SLC36A1: variants seen among roughly 807,000 people sequenced by gnomAD.
SLC36A1 encodes solute carrier family 36 member 1, also known as proton-coupled amino acid transporter 1.
In SLC36A1, 30 loss-of-function variants were observed where a neutral mutation model predicts 47.5. That is an observed-to-expected ratio of 0.63 (90% CI 0.47 to 0.86). SLC36A1 has a LOEUF of 0.86. Among genes scored for constraint, SLC36A1 ranks in the 40% least tolerant of loss-of-function variants. The probability of loss-of-function intolerance (pLI) is 0.00; values close to 1 mark genes in which losing one functional copy is unlikely to be tolerated. For missense variants in SLC36A1, 517 were observed against 606.0 expected, an observed-to-expected ratio of 0.85 and a Z score of 1.54; for synonymous variants, 255 against 249.7, an observed-to-expected ratio of 1.02 and a Z score of -0.20.
At chr5:151,529,299 C>G in the SLC36A1 span, 6 of 1,614,132 alleles carry the variant, frequency 3.7e-6, no homozygotes, top group South Asian at 6.6e-5. Context: ...GGTCACGTCA[C>G]TGAGGGAAGA....
At chr5:151,485,918 C>A (rs1025842850) in intron 10 of SLC36A1, among the ~76,000 whole-genome samples, 8 of 152,296 alleles carry the variant, frequency 5.3e-5, no homozygotes, top group South Asian at 2.1e-4. Context: ...CATTTTAATT[C>A]ATTTCAATGT....
the SLC36A1 span, among the ~76,000 whole-genome samples, chr5:151,503,120 G>T: frequency 6.8e-6 from 1 of 147,874 alleles, no homozygotes; most frequent in Non-Finnish European, 1.5e-5. Flanking sequence ...TTTTAGGGCA[G>T]TGAAACCATC....
chr5:151,438,737 T>G (rs1759924798), intron 1 of SLC36A1, among the ~76,000 whole-genome samples: 2 of 152,186 alleles, frequency 1.3e-5, no homozygotes, highest in Admixed American at 6.5e-5. Context: ...TCACCATCTC[T>G]CATGCACTCT....
chr5:151,475,782 TAAC>T (rs1561772151), intron 8 of SLC36A1, among the ~76,000 whole-genome samples: 1 of 152,206 alleles, frequency 6.6e-6, no homozygotes, highest in Non-Finnish European at 1.5e-5. Context: ...ATAAGTGTAA[TAAC>T]AAGATCAAAG....
rs769989814 is a variant in SLC36A1 at position 151,464,609 on chromosome 5, G to A, written c.323+7G>A. 27 of 1,612,974 alleles carry A rather than the reference G, an allele frequency of 1.7e-5. No individual in the cohort carries two copies. The highest frequency in any genetic ancestry group is 2.3e-5 in the Non-Finnish European group (27 of 1,179,060). On this transcript the variant is annotated splice_region_variant and intron_variant, in intron 4 of 10. Coordinates refer to ENST00000243389, the MANE Select transcript of SLC36A1 (RefSeq NM_078483.4). ...CTCACCACTTCTGCCGCAGGTGAGA[G>A]CCCTCTGAGCCACCTCTCAAGTGAC...
chr5:151,346,335 T>C, the SLC36A1 span, among the ~76,000 whole-genome samples: 1 of 152,176 alleles, frequency 6.6e-6, no homozygotes, highest in Non-Finnish European at 1.5e-5. Context: ...CATCCCTAAA[T>C]TGTCCTGCTG....
chr5:151,519,138 G>T, the SLC36A1 span, among the ~76,000 whole-genome samples: 1 of 152,350 alleles, frequency 6.6e-6, no homozygotes, highest in Non-Finnish European at 1.5e-5. Flanking sequence ...GAGGTCAGGA[G>T]TTCGAGACCA....
chr5:151,503,473 G>T, the SLC36A1 span, among the ~76,000 whole-genome samples: 1 of 149,708 alleles, frequency 6.7e-6, no homozygotes, highest in Middle Eastern at 3.2e-3. Flanking sequence ...AATCAAACCT[G>T]TTCAACCTCA....
chr5:151,471,822 G>A (rs1581167056), intron 7 of SLC36A1, among the ~76,000 whole-genome samples: 1 of 152,164 alleles, frequency 6.6e-6, no homozygotes, highest in African/African-American at 2.4e-5. Context: ...TCTGAAGCCT[G>A]TTAAGAGCAT....
chr5:151,473,206 AT>A (rs1561768192), intron 7 of SLC36A1, among the ~76,000 whole-genome samples: 8 of 151,706 alleles, frequency 5.3e-5, no homozygotes, highest in South Asian at 4.2e-4. Context: ...AGATAGATAG[AT>A]AGATAGATAG....
At chr5:151,520,112 G>T in the SLC36A1 span, among the ~76,000 whole-genome samples, 2 of 152,226 alleles carry the variant, frequency 1.3e-5, no homozygotes, top group African/African-American at 4.8e-5. Flanking sequence ...AGCCTAAATC[G>T]AGTGGTCCCT....
chr5:151,453,411 T>G (rs1451511220), intron 1 of SLC36A1, among the ~76,000 whole-genome samples: 1 of 152,014 alleles, frequency 6.6e-6, no homozygotes, highest in Non-Finnish European at 1.5e-5. Context: ...ACCAGTTCAT[T>G]GAAATCTAGT....
chr5:151,486,180 G>A (rs1046518983), intron 10 of SLC36A1, among the ~76,000 whole-genome samples: 1 of 152,216 alleles, frequency 6.6e-6, no homozygotes. Flanking sequence ...GAAGGCAAAG[G>A]GGGAGCAGGC....
chr5:151,482,373 C>G (rs1230414638), intron 10 of SLC36A1, among the ~76,000 whole-genome samples: 2 of 152,076 alleles, frequency 1.3e-5, no homozygotes, highest in Admixed American at 6.5e-5. Flanking sequence ...CTCTCAACTC[C>G]AAAATTCTGT....
the SLC36A1 span, among the ~76,000 whole-genome samples, chr5:151,417,703 A>T: frequency 8.4e-3 from 905 of 107,730 alleles, 14 homozygotes; most frequent in African/African-American, 0.026. Context: ...AGGGAAGCAG[A>T]GCATAAAAGT....
chr5:151,486,407 G>A (rs1190041953), intron 10 of SLC36A1, among the ~76,000 whole-genome samples: 1 of 152,198 alleles, frequency 6.6e-6, no homozygotes, highest in African/African-American at 2.4e-5. Context: ...GTTTCCACAT[G>A]TCTCTCATCT....
chr5:151,442,169 T>A (rs1322595924), intron 1 of SLC36A1, among the ~76,000 whole-genome samples: 1 of 152,204 alleles, frequency 6.6e-6, no homozygotes, highest in Non-Finnish European at 1.5e-5. Context: ...TTCAAATAAA[T>A]GTTTTTGTGT....
chr5:151,364,235 A>G, the SLC36A1 span, among the ~76,000 whole-genome samples: 3 of 152,120 alleles, frequency 2.0e-5, no homozygotes, highest in Admixed American at 1.3e-4. Flanking sequence ...TAATTTTTTA[A>G]TGTTTCTAGG....
the SLC36A1 span, among the ~76,000 whole-genome samples, chr5:151,364,748 C>A: frequency 2.0e-5 from 3 of 152,142 alleles, no homozygotes; most frequent in Non-Finnish European, 4.4e-5. Context: ...CTGGAAAGCA[C>A]AAGGTGAAAC....
Sources: allele counts gnomAD v4.1 joint callset (sites outside exome capture counted in the v4.1 genomes callset), GRCh38; gene constraint gnomAD v4.1.1; transcripts MANE v1.5; gene names NCBI Gene and HGNC (gene_info 2026-07-23, HGNC 2026-07-21).